SCN11A: variants seen among roughly 807,000 people sequenced by gnomAD.
The protein encoded by SCN11A is sodium voltage-gated channel alpha subunit 11.
In SCN11A, 122 loss-of-function variants were observed where a neutral mutation model predicts 162.2. That is an observed-to-expected ratio of 0.75 (90% CI 0.65 to 0.87). The LOEUF (loss-of-function observed/expected upper bound fraction) is 0.87, where lower values mean the gene tolerates loss of function less well. SCN11A is among the 40% of genes least tolerant of loss of function. SCN11A has a pLI of 0.00. For synonymous variants in SCN11A, 758 were observed against 751.5 expected (o/e 1.01, Z -0.14); for missense variants, 2,015 against 2,181.6 (o/e 0.92, Z 1.52).
intron 2 of SCN11A, among the ~76,000 whole-genome samples, chr3:39,030,595 A>AT (rs1239068147): frequency 6.6e-6 from 1 of 152,100 alleles, no homozygotes; most frequent in Non-Finnish European, 1.5e-5. Flanking sequence ...GCTTGAAATT[A>AT]TTTTTATTTT....
In SCN11A at chr3:38,885,285, T is replaced by C. The variant is rs199773675; in HGVS notation, c.3064+3A>G. The C allele has an allele frequency of 6.4e-7, 1 of 1,563,426 alleles. No homozygotes were observed. ...AACTGGATGCAGAAATACTGCCACTTACCTTTGGGCAAACATCTCTCTGGT... is the reference window on the plus strand; with the variant it reads ...AACTGGATGCAGAAATACTGCCACTCACCTTTGGGCAAACATCTCTCTGGT... On this transcript the variant is annotated splice_donor_region_variant and intron_variant, in intron 21 of 29. Transcript: ENST00000302328.
At chr3:39,031,577 A>T (rs1246696524) in intron 2 of SCN11A, among the ~76,000 whole-genome samples, 2 of 151,990 alleles carry the variant, frequency 1.3e-5, no homozygotes, top group African/African-American at 2.4e-5. Flanking sequence ...AGGAAAAAGA[A>T]AAAGAAAGAT....
intron 7 of SCN11A, among the ~76,000 whole-genome samples, chr3:38,935,638 A>G (rs2066318832): frequency 6.6e-6 from 1 of 152,240 alleles, no homozygotes; most frequent in African/African-American, 2.4e-5. Flanking sequence ...AGAAATGGAT[A>G]AATTCCTCGA....
intron 1 of SCN11A, among the ~76,000 whole-genome samples, chr3:39,049,185 C>T (rs1389350861): frequency 6.6e-6 from 1 of 152,216 alleles, no homozygotes; most frequent in African/African-American, 2.4e-5. Context: ...ATACTGCATC[C>T]TACAGGACAG....
intron 1 of SCN11A, among the ~76,000 whole-genome samples, chr3:39,043,307 T>G (rs115407971): frequency 1.3e-5 from 2 of 152,136 alleles, no homozygotes; most frequent in Non-Finnish European, 2.9e-5. Flanking sequence ...AGCAATCCCA[T>G]TGCTGGGTAT....
intron 2 of SCN11A, among the ~76,000 whole-genome samples, chr3:38,980,420 A>G (rs139604230): frequency 1.3e-5 from 2 of 152,322 alleles, no homozygotes; most frequent in Non-Finnish European, 2.9e-5. Flanking sequence ...GCAATTCAAC[A>G]AAAGACCCAG....
intron 2 of SCN11A, among the ~76,000 whole-genome samples, chr3:39,028,889 C>G (rs2125610281): frequency 6.6e-6 from 1 of 152,260 alleles, no homozygotes; most frequent in South Asian, 2.1e-4. Context: ...CCAAACACTT[C>G]ATAAAGTTCC....
intron 1 of SCN11A, among the ~76,000 whole-genome samples, chr3:39,035,928 T>A (rs1180569258): frequency 1.3e-5 from 2 of 152,060 alleles, no homozygotes; most frequent in Non-Finnish European, 2.9e-5. Flanking sequence ...CGTGAGCCAC[T>A]GTGCCTGGCA....
At chr3:38,939,328 A>T (rs1008796829) in intron 7 of SCN11A, among the ~76,000 whole-genome samples, 3 of 152,004 alleles carry the variant, frequency 2.0e-5, no homozygotes, top group Non-Finnish European at 2.9e-5. Flanking sequence ...GATATAGTTT[A>T]AAAAAACATA....
At chr3:39,046,529 T>C (rs999590813) in intron 1 of SCN11A, among the ~76,000 whole-genome samples, 13 of 152,084 alleles carry the variant, frequency 8.5e-5, no homozygotes, top group African/African-American at 3.1e-4. Context: ...AAAATTCATA[T>C]GGAACTACAA....
At position 38,847,263 on chromosome 3, in the gene SCN11A, T is replaced by A. The variant is rs748538139; in HGVS notation, c.4807A>T (p.Ile1603Phe). 1 of 1,614,156 alleles carries A rather than the reference T, an allele frequency of 6.2e-7. No homozygotes were observed. Among genetic ancestry groups the A allele is most frequent in the Non-Finnish European group, 8.5e-7 (1 of 1,179,976 alleles). The change falls in exon 30 of 30, where the codon ATT becomes TTT. Residue 1603 changes from isoleucine to phenylalanine, a missense_variant. Ile to Phe is a conservative substitution (Grantham distance 21). Coordinates refer to ENST00000302328, the MANE Select transcript of SCN11A (RefSeq NM_001349253.2). ...LIVVNMYIAV[I>F]LENFNTATEE... ...GTGGCTGTATTGAAGTTCTCTAAAA[T>A]CACAGCAATGTACATGTTGACAACA...
intron 28 of SCN11A, among the ~76,000 whole-genome samples, chr3:38,856,218 T>C (rs1217189401): frequency 6.6e-6 from 1 of 152,184 alleles, no homozygotes; most frequent in Non-Finnish European, 1.5e-5. Context: ...GGTCCTTGTT[T>C]TCCTCTGGCA....
At position 38,894,900 on chromosome 3, in the gene SCN11A, A is replaced by G. The variant is rs1441157361; in HGVS notation, c.2468T>C (p.Leu823Ser). 2.5e-6 allele frequency: 4 copies of G among 1,614,106 alleles called. No homozygotes were observed. The highest frequency in any genetic ancestry group is 1.7e-6 in the Non-Finnish European group (2 of 1,179,992). ...SFSNEERNGN[L>S]EGEARKTKVQ... is the part of the protein sequence containing the mutation. ...TTTAGTTTTCCTGGCCTCTCCTTCT[A>G]AGTTTCCATTTCTTTCCTCATTGCT... is the stretch of plus-strand genomic sequence containing the variant. Residue 823 changes from leucine to serine, a missense_variant, in exon 19 of 30, where the codon TTA (leucine) becomes TCA (serine). Transcript: ENST00000302328.
intron 4 of SCN11A, among the ~76,000 whole-genome samples, 184 bp downstream of exon 4, chr3:38,953,445 G>C (rs908872532): frequency 6.6e-6 from 1 of 152,112 alleles, no homozygotes; most frequent in Non-Finnish European, 1.5e-5. Flanking sequence ...CTAACTGTTG[G>C]GGATTGAAAA....
At chr3:38,874,244 A>G (rs1170847053) in intron 23 of SCN11A, among the ~76,000 whole-genome samples, 3 of 152,134 alleles carry the variant, frequency 2.0e-5, no homozygotes, top group Non-Finnish European at 1.5e-5. Flanking sequence ...ATCCAACTTT[A>G]AAATTTTTGC....
chr3:38,947,467 G>A (rs2066535393), intron 5 of SCN11A, among the ~76,000 whole-genome samples: 1 of 152,196 alleles, frequency 6.6e-6, no homozygotes, highest in Middle Eastern at 3.2e-3. Context: ...TAACCAGCAG[G>A]GGAGGTGGGC....
At chr3:38,922,515 G>A (rs1458524860) in intron 9 of SCN11A, among the ~76,000 whole-genome samples, 1 of 152,188 alleles carries the variant, frequency 6.6e-6, no homozygotes, top group Non-Finnish European at 1.5e-5. Flanking sequence ...CCAAAATAGA[G>A]ACTATATTCA....
At chr3:39,019,765 A>T (rs1000406323) in intron 2 of SCN11A, among the ~76,000 whole-genome samples, 8 of 152,168 alleles carry the variant, frequency 5.3e-5, no homozygotes, top group Non-Finnish European at 1.2e-4. Context: ...TCACTTTCTT[A>T]TTTATAATGA....
At chr3:39,000,797 G>A (rs761550775) in intron 2 of SCN11A, among the ~76,000 whole-genome samples, 3 of 152,156 alleles carry the variant, frequency 2.0e-5, no homozygotes, top group African/African-American at 4.8e-5. Flanking sequence ...AGCACTTTGG[G>A]AGGCCAAGGC....
Sources: gnomAD v4.1 joint callset for allele counts (sites outside exome capture counted in the v4.1 genomes callset) on GRCh38, gnomAD v4.1.1 for gene constraint, MANE v1.5 for transcripts, NCBI Gene and HGNC (gene_info 2026-07-23, HGNC 2026-07-21) for gene names.